GNAI2: variants seen among roughly 807,000 people sequenced by gnomAD.
GNAI2 encodes the protein guanine nucleotide-binding protein G(i) subunit alpha-2.
A neutral mutation model predicts 36.8 loss-of-function variants in GNAI2; 4 were observed. The ratio of observed to expected loss-of-function variants is 0.11; its 90% CI spans 0.05 to 0.25. GNAI2 has a LOEUF of 0.25. Ranked by LOEUF, GNAI2 falls within the 10% of genes least tolerant of loss-of-function variation. GNAI2 has a pLI of 1.00. For missense variants in GNAI2, 230 were observed against 481.3 expected (o/e 0.48, Z 4.89); for synonymous variants, 194 against 194.1 (o/e 1.00, Z 0.01).
At chr3:50,234,625 T>C (rs1159803292), upstream of GNAI2, among the ~76,000 whole-genome samples, 4 of 152,122 alleles carry the variant, frequency 2.6e-5, no homozygotes, top group African/African-American at 9.7e-5. Flanking sequence ...GTTGCTGGGA[T>C]TATAGGCATG....
At chr3:50,232,028 C>T (rs1374215190), upstream of GNAI2, among the ~76,000 whole-genome samples, 1 of 149,340 alleles carries the variant, frequency 6.7e-6, no homozygotes, top group Non-Finnish European at 1.5e-5. Context: ...GAGACTTCAT[C>T]TCTATTAAAA....
At chr3:50,239,394 A>C (rs781833216) in intron 1 of GNAI2, among the ~76,000 whole-genome samples, 1 of 152,126 alleles carries the variant, frequency 6.6e-6, no homozygotes, top group Non-Finnish European at 1.5e-5. Flanking sequence ...CCCTCGACCA[A>C]GGCTGGTGAA....
intron 1 of GNAI2, chr3:50,251,573 T>A: frequency 1.7e-6 from 2 of 1,209,422 alleles, no homozygotes; most frequent in Non-Finnish European, 2.1e-6. Context: ...GGCGGGGCAT[T>A]GGGCCATGTC....
chr3:50,247,127 T>A, intron 1 of GNAI2: 3 of 705,590 alleles, frequency 4.3e-6, no homozygotes, highest in Non-Finnish European at 7.7e-6. Context: ...TGATAACTTT[T>A]ACCTGAATGC....
Position 50,241,810 on chromosome 3 carries a change from C to T in GNAI2, c.118+5357C>T, listed in dbSNP as rs587683384. The stretch of plus-strand genomic sequence containing the variant: ...GGGGCCTGGGGATGGTCCGGGACCC[C>T]TTTGGCCCTGGGCAGCTTGTCAGCG... On this transcript the variant is annotated intron_variant, in intron 1 of 8. Transcript: ENST00000313601. This position sits in a 1 kb window ranked among gnomAD's most constrained non-coding sequence, Gnocchi z 5.0. Among the ~76,000 whole-genome samples the T allele has an allele frequency of 1.4e-4, 21 of 152,298 alleles. 1 individual carries two copies. The South Asian group carries it at 4.3e-3, about 32-fold the overall frequency.
chr3:50,252,176 T>C lies in GNAI2; in HGVS notation c.161+34T>C. On this transcript the variant is annotated intron_variant, in intron 2 of 8. Coordinates refer to ENST00000313601, the MANE Select transcript of GNAI2 (RefSeq NM_002070.4). The surrounding 1 kb of genome is among the most constrained non-coding windows in gnomAD (Gnocchi z 4.1). ...TGTATTCCAGAGGCAGTGCTCAAAC[T>C]CCAGCTTCCCCTCTTCACCCTCTGG... The C allele has an allele frequency of 6.2e-7, 1 of 1,601,952 alleles. No homozygotes were observed. Among genetic ancestry groups the C allele is most frequent in the African/African-American group, 1.3e-5 (1 of 74,692 alleles).
At chr3:50,234,742 C>G (rs1700130627), upstream of GNAI2, among the ~76,000 whole-genome samples, 1 of 152,210 alleles carries the variant, frequency 6.6e-6, no homozygotes, top group Non-Finnish European at 1.5e-5. Flanking sequence ...GGGGCCTTCC[C>G]TTTGGGCTGG....
intron 1 of GNAI2, chr3:50,251,369 T>C: frequency 1.0e-6 from 1 of 995,530 alleles, no homozygotes; most frequent in African/African-American, 1.7e-5. Flanking sequence ...TAAAGAGAAA[T>C]ATGGGCCAGG....
At chr3:50,257,846 G>A in intron 8 of GNAI2, 132 bp downstream of exon 8, 1 of 575,016 alleles carries the variant, frequency 1.7e-6, no homozygotes, top group Admixed American at 3.4e-5. Context: ...GGGGACAAGG[G>A]AGGAGAAGGC....
chr3:50,230,596 C>T (rs1156767919), upstream of GNAI2: 1 of 153,184 alleles, frequency 6.5e-6, no homozygotes, highest in Admixed American at 6.5e-5. Context: ...CCTCAACCTG[C>T]TCAGGGCTAC....
rs1700314086 is a variant in GNAI2, at chr3:50,242,225, A to G, written c.118+5772A>G. On this transcript the variant is annotated intron_variant, in intron 1 of 8. Transcript: ENST00000313601. This position sits in a 1 kb window ranked among gnomAD's most constrained non-coding sequence, Gnocchi z 4.8. ...CACCCCACCCACAGCAGAGGAGGAGACTGTCACCCCAGAGCCTGAGTGCTG... is the reference window on the plus strand; with the variant it reads ...CACCCCACCCACAGCAGAGGAGGAGGCTGTCACCCCAGAGCCTGAGTGCTG... Among the ~76,000 whole-genome samples the G allele has an allele frequency of 6.6e-6, 1 of 151,822 alleles. No individual in the cohort carries two copies. The highest frequency in any genetic ancestry group is 2.4e-5 in the African/African-American group (1 of 41,294).
At chr3:50,227,216 G>C, upstream of GNAI2, 1 of 1,376,182 alleles carries the variant, frequency 7.3e-7, no homozygotes, top group South Asian at 1.6e-5. This position sits in a 1 kb window ranked among gnomAD's most constrained non-coding sequence, Gnocchi z 5.9. Context: ...CGGCTATCGC[G>C]GAGGAGACCC....
intron 1 of GNAI2, among the ~76,000 whole-genome samples, chr3:50,244,558 G>C (rs1395739882): frequency 1.3e-5 from 2 of 152,242 alleles, no homozygotes; most frequent in African/African-American, 4.8e-5. Context: ...TGAAATGAAA[G>C]CATGTTCCTT....
chr3:50,232,494 G>A (rs1649169999), upstream of GNAI2, among the ~76,000 whole-genome samples: 2 of 152,228 alleles, frequency 1.3e-5, no homozygotes, highest in South Asian at 4.1e-4. Flanking sequence ...GAAAACCGAG[G>A]TACAGGGAGT....
upstream of GNAI2, chr3:50,230,298 T>G (rs1700048130): frequency 6.6e-6 from 1 of 152,250 alleles, no homozygotes; most frequent in Admixed American, 6.5e-5. Flanking sequence ...CCCAGGGCAG[T>G]AAGGCGGGAG....
upstream of GNAI2, chr3:50,230,658 GC>G: frequency 4.2e-6 from 1 of 235,754 alleles, no homozygotes; most frequent in Non-Finnish European, 6.9e-6. Context: ...CCTGTGGTGA[GC>G]CCCAAGACTA....
rs1553703151 is a variant in GNAI2, at chr3:50,256,211, C to T, written c.484C>T (p.Arg162Cys). ...CCCCAGCTACCTGAACGACCTGGAG[C>T]GTATTGCACAGAGTGACTACATCCC... The part of the protein sequence containing the change: ...SAAYYLNDLE[R>C]IAQSDYIPTQ... The change falls in exon 5 of 9, where the codon CGT (arginine) becomes TGT (cysteine). Residue 162 changes from arginine to cysteine, a missense_variant. Coordinates refer to ENST00000313601, the MANE Select transcript of GNAI2 (RefSeq NM_002070.4). 1 of 1,579,674 alleles carries T rather than the reference C, an allele frequency of 6.3e-7. No homozygotes were observed. The highest frequency in any genetic ancestry group is 1.1e-5 in the South Asian group (1 of 90,052).
rs1700609119 is a variant in GNAI2 at position 50,253,216 on chromosome 3, G to A, written c.464+32G>A. On this transcript the variant is annotated intron_variant, in intron 4 of 8. Coordinates refer to ENST00000313601, the MANE Select transcript of GNAI2 (RefSeq NM_002070.4). This position sits in a 1 kb window ranked among gnomAD's most constrained non-coding sequence, Gnocchi z 4.2. ...GCTCTGAGGGGCTGGGCAGGGCAGG[G>A]CAGGGGCTGGGGGAGGACTAAAGGC... 6.4e-7 allele frequency: 1 copy of A among 1,572,496 alleles called. No homozygotes were observed. Among genetic ancestry groups the A allele is most frequent in the East Asian group, 2.3e-5 (1 of 44,140 alleles).
chr3:50,230,872 T>C, exon 1 of GNAI2: 1 of 985,136 alleles, frequency 1.0e-6, no homozygotes, highest in Non-Finnish European at 1.2e-6. Flanking sequence ...CAAAATGAAC[T>C]CTCCTGAAAG....
Sources: allele counts gnomAD v4.1 joint callset (sites outside exome capture counted in the v4.1 genomes callset), GRCh38; gene constraint gnomAD v4.1.1; non-coding constraint Gnocchi (gnomAD v3.1); transcripts MANE v1.5; gene names NCBI Gene and HGNC (gene_info 2026-07-23, HGNC 2026-07-21).